The following KRT3 variants were observed in gnomAD, a reference collection of about 807,000 sequenced individuals.
The protein encoded by KRT3 is keratin 3.
In KRT3, 34 loss-of-function variants were observed where a neutral mutation model predicts 45.8. That is an observed-to-expected ratio of 0.74 (90% CI 0.57 to 0.99). KRT3 has a LOEUF of 0.99. KRT3 is among the 50% of genes least tolerant of loss of function. The pLI is 0.00. For synonymous variants in KRT3, 367 were observed against 329.0 expected, an observed-to-expected ratio of 1.12 and a Z score of -1.25; for missense variants, 828 against 820.6, an observed-to-expected ratio of 1.01 and a Z score of -0.11.
chr12:52,795,409 A>G lies in KRT3; in HGVS notation c.634T>C (p.Phe212Leu), dbSNP rs906826362. The G allele has an allele frequency of 3.7e-6, 6 of 1,614,078 alleles. No homozygotes were observed. Among genetic ancestry groups the G allele is most frequent in the Non-Finnish European group, 5.1e-6 (6 of 1,180,040 alleles). Residue 212 changes from phenylalanine (F) to leucine (L), a missense_variant, in exon 1 of 9, where the codon TTC becomes CTC. Coordinates refer to ENST00000417996, the MANE Select transcript of KRT3 (RefSeq NM_057088.3). ...IKTLNNKFAS[F>L]IDKVRFLEQQ... is the part of the protein sequence containing the mutation. ...CAAAGCTTCATTACCTTGTCAATGA[A>G]GGAGGCAAACTTGTTGTTGAGGGTC...
Position 52,790,104 on chromosome 12 carries a change from T to G in KRT3, c.1825A>C (p.Asn609His). ...GAGAACTTGATGCTGCCGCCCCGGTTGCTGGCCGAGCTGAAGCCCCCGCCA... is the reference window on the plus strand; with the variant it reads ...GAGAACTTGATGCTGCCGCCCCGGTGGCTGGCCGAGCTGAAGCCCCCGCCA... ...VSGGGFSSAS[N>H]RGGSIKFSQS... The change falls in exon 9 of 9, where the codon AAC becomes CAC. Residue 609 changes from asparagine to histidine, a missense_variant. Coordinates refer to ENST00000417996, the MANE Select transcript of KRT3 (RefSeq NM_057088.3). 6.5e-7 allele frequency: 1 copy of G among 1,543,352 alleles called. No individual in the cohort carries two copies. The highest frequency in any genetic ancestry group is 8.7e-7 in the Non-Finnish European group (1 of 1,146,870).
Position 52,795,925 on chromosome 12 carries a change from C to T in KRT3, c.118G>A (p.Gly40Arg), listed in dbSNP as rs199902669. Residue 40 changes from glycine to arginine, a missense_variant, in exon 1 of 9, where the codon GGA becomes AGA. Coordinates refer to ENST00000417996, the MANE Select transcript of KRT3 (RefSeq NM_057088.3). ...SCVAHSGGAG[G>R]GAYGFRSGAG... Reference sequence around the variant, plus strand: ...CCGCTCCGGAAGCCATAGGCCCCTCCGCCAGCTCCCCCAGAGTGGGCCACA... The same window carrying T: ...CCGCTCCGGAAGCCATAGGCCCCTCTGCCAGCTCCCCCAGAGTGGGCCACA... The T allele has an allele frequency of 2.1e-4, 344 of 1,614,122 alleles. No individual in the cohort carries two copies. The highest frequency in any genetic ancestry group is 2.8e-4 in the Non-Finnish European group (332 of 1,180,004).
intron 2 of KRT3, 86 bp from the exon 3 acceptor site, chr12:52,793,309 C>A (rs1366051461): frequency 9.1e-6 from 8 of 878,028 alleles, no homozygotes; most frequent in African/African-American, 5.0e-5. Flanking sequence ...AAGTTCATCT[C>A]TTCCCTCCCT....
At position 52,794,346 on chromosome 12, in the gene KRT3, G is replaced by A; in HGVS notation, c.646-15C>T. On this transcript the variant is annotated splice_polypyrimidine_tract_variant and intron_variant, in intron 1 of 8. Transcript: ENST00000417996. ...AGGAACCGCACCTGCAATGGTTGCA[G>A]GAAGCAACATCAGGCAACACTTGTA... is the stretch of plus-strand genomic sequence containing the variant. The A allele has an allele frequency of 3.7e-6, 6 of 1,601,950 alleles. No homozygotes were observed. The highest frequency in any genetic ancestry group is 5.1e-6 in the Non-Finnish European group (6 of 1,169,676).
intron 2 of KRT3, 32 bp from the exon 3 acceptor site, chr12:52,793,255 G>A (rs1196499184): frequency 6.6e-7 from 1 of 1,510,750 alleles, no homozygotes. Flanking sequence ...AGCTGAGTTT[G>A]GTTTTGAGGT....
intron 1 of KRT3, among the ~76,000 whole-genome samples, chr12:52,794,788 C>T (rs1489824032): frequency 6.6e-6 from 1 of 152,200 alleles, no homozygotes; most frequent in Non-Finnish European, 1.5e-5. Context: ...ATGACAACAC[C>T]TCTCTTGGGC....
At position 52,791,356 on chromosome 12, in the gene KRT3, G is replaced by T; in HGVS notation, c.1385C>A (p.Ala462Asp). 6.2e-7 allele frequency: 1 copy of T among 1,614,236 alleles called. No individual in the cohort carries two copies. Among genetic ancestry groups the T allele is most frequent in the Non-Finnish European group, 8.5e-7 (1 of 1,180,036 alleles). ...HGEMALKDANAKLQELQAALQ... is the reference protein window; with the variant it reads ...HGEMALKDANDKLQELQAALQ... ...AGCAGCCTGCAGCTCTTGGAGCTTG[G>T]CATTGGCATCCTTGAGGGCCATCTC... Residue 462 changes from alanine (A) to aspartate (D), a missense_variant, in exon 7 of 9, where the codon GCC (alanine) becomes GAC (aspartate). Physicochemically the swap from Ala to Asp is moderately radical, Grantham distance 126 (BLOSUM62 -2). Transcript: ENST00000417996.
intron 2 of KRT3, 107 bp from the exon 3 acceptor site, chr12:52,793,330 C>T: frequency 1.4e-6 from 1 of 736,134 alleles, no homozygotes; most frequent in East Asian, 2.8e-5. Context: ...CCATCCCTAT[C>T]CTGCCCCTCT....
At chr12:52,790,903 C>G (rs540718178) in intron 7 of KRT3, 31 bp from the exon 8 acceptor site, 2 of 1,577,740 alleles carry the variant, frequency 1.3e-6, no homozygotes, top group South Asian at 1.2e-5. Context: ...AAGTGGGCCC[C>G]GTCACAAAGC....
chr12:52,793,742 C>T lies in KRT3; in HGVS notation c.866+369G>A, dbSNP rs371267321. On this transcript the variant is annotated intron_variant, in intron 2 of 8. Transcript: ENST00000417996. ...GACTATCTTGGATTACAGGTGTGTGCCACCACACCCAGCTAATTTTTGTAT... is the reference window on the plus strand; with the variant it reads ...GACTATCTTGGATTACAGGTGTGTGTCACCACACCCAGCTAATTTTTGTAT... 4.3e-3 allele frequency among the ~76,000 whole-genome samples: 659 copies of T among 152,264 alleles called. 58 individuals are homozygous for T. The South Asian group carries it at 0.13, about 30-fold the overall frequency.
rs1939587582 is a variant in KRT3, at chr12:52,794,176, C to T, written c.801G>A (p.Gly267=). The part of the protein sequence containing the change: ...YLRSYLDNIL[G]ERGRLDSELK... ...GCTCAGAGTCCAGGCGCCCTCTCTC[C>T]CCGAGGATGTTGTCCAGGTAGCTCC... The change falls in exon 2 of 9, where the codon GGG becomes GGA. Residue 267 remains glycine, a synonymous_variant. Transcript: ENST00000417996. The T allele has an allele frequency of 3.1e-6, 5 of 1,614,188 alleles. No homozygotes were observed. In the East Asian group the frequency reaches 1.1e-4, roughly 36 times the overall value.
chr12:52,790,878 T>A lies in KRT3; in HGVS notation c.1536-6A>T, dbSNP rs375469926. 131 of 1,596,100 alleles carry A rather than the reference T, an allele frequency of 8.2e-5. No individual in the cohort carries two copies. Among genetic ancestry groups the A allele is most frequent in the African/African-American group, 7.8e-4 (58 of 74,672 alleles). ...TCGGACACTCTCCAGACATCCTGTTTGAGAAAGCAAGAGAAAGTGGGCCCC... is the reference window on the plus strand; with the variant it reads ...TCGGACACTCTCCAGACATCCTGTTAGAGAAAGCAAGAGAAAGTGGGCCCC... On this transcript the variant is annotated splice_region_variant and splice_polypyrimidine_tract_variant and intron_variant, in intron 7 of 8. Transcript: ENST00000417996.
intron 4 of KRT3, 142 bp from the exon 5 acceptor site, chr12:52,792,545 A>G (rs1939544638): frequency 2.0e-6 from 2 of 995,058 alleles, no homozygotes; most frequent in Non-Finnish European, 3.1e-6. Flanking sequence ...GCAGCCACTC[A>G]GAGAACCCCA....
chr12:52,791,846 C>A, intron 5 of KRT3, 30 bp from the exon 6 acceptor site: 2 of 1,603,590 alleles, frequency 1.2e-6, no homozygotes, highest in Non-Finnish European at 1.7e-6. Context: ...ATGGGGTATT[C>A]CTGCAGCTTT....
rs772557576 is a variant in KRT3, at chr12:52,792,374, A to C, written c.1053T>G (p.Ser351Arg). 7.4e-6 allele frequency: 12 copies of C among 1,613,994 alleles called. No homozygotes were observed. The East Asian group carries it at 2.4e-4, about 33-fold the overall frequency. ...CCATGGACAGCACCACAGATGTGTC[A>C]CTGATGTGGCTCTGCATCTGAGATA... is the stretch of plus-strand genomic sequence containing the variant. ...AELSQMQSHI[S>R]DTSVVLSMDN... The change falls in exon 5 of 9, where the codon AGT (serine) becomes AGG (arginine). Residue 351 changes from serine to arginine, a missense_variant. Coordinates refer to ENST00000417996, the MANE Select transcript of KRT3 (RefSeq NM_057088.3).
intron 5 of KRT3, 117 bp downstream of exon 5, chr12:52,792,122 G>A: frequency 2.2e-6 from 2 of 896,628 alleles, no homozygotes; most frequent in South Asian, 1.7e-5. Flanking sequence ...GACTTCAGAG[G>A]GTAAAACCAA....
Position 52,792,301 on chromosome 12 carries a change from C to T in KRT3, c.1126G>A (p.Ala376Thr). 2 of 1,614,096 alleles carry T rather than the reference C, an allele frequency of 1.2e-6. No homozygotes were observed. Among genetic ancestry groups the T allele is most frequent in the Non-Finnish European group, 1.7e-6 (2 of 1,179,960 alleles). Residue 376 changes from alanine to threonine, a missense_variant, in exon 5 of 9, where the codon GCA (alanine) becomes ACA (threonine). Coordinates refer to ENST00000417996, the MANE Select transcript of KRT3 (RefSeq NM_057088.3). ...DLDSIIAEVR[A>T]QYEDIAQRSK... ...CTCTGAGCGATATCCTCATACTGTG[C>T]ACGAACTTCAGCAATGATGCTGTCC...
In KRT3 at chr12:52,792,381, T is replaced by C. The variant is rs369586403; in HGVS notation, c.1046A>G (p.His349Arg). 2.3e-5 allele frequency: 37 copies of C among 1,614,020 alleles called. No homozygotes were observed. Among genetic ancestry groups the C allele is most frequent in the Non-Finnish European group, 3.1e-5 (36 of 1,180,044 alleles). Residue 349 changes from histidine (H) to arginine (R), a missense_variant, in exon 5 of 9, where the codon CAC (histidine) becomes CGC (arginine). Physicochemically the swap from His to Arg is conservative, Grantham distance 29. Coordinates refer to ENST00000417996, the MANE Select transcript of KRT3 (RefSeq NM_057088.3). ...CAGCACCACAGATGTGTCACTGATG[T>C]GGCTCTGCATCTGAGATAGCTCCTG... Reference protein sequence around the residue: ...YDAELSQMQSHISDTSVVLSM... With the variant: ...YDAELSQMQSRISDTSVVLSM...
chr12:52,795,807 C>G lies in KRT3; in HGVS notation c.236G>C (p.Gly79Ala). ...ACAGCTGCTCCGCCCTCCCCCAAAGCCTCCAGCCCGGGAGCCGCCAGCTGC... is the reference window on the plus strand; with the variant it reads ...ACAGCTGCTCCGCCCTCCCCCAAAGGCTCCAGCCCGGGAGCCGCCAGCTGC... The part of the protein sequence containing the change: ...SVAAGGSRAG[G>A]FGGGRSSCAF... Residue 79 changes from glycine (G) to alanine (A), a missense_variant, in exon 1 of 9, where the codon GGC becomes GCC. Physicochemically the swap from Gly to Ala is moderately conservative, Grantham distance 60. Transcript: ENST00000417996. 1 of 1,614,072 alleles carries G rather than the reference C, an allele frequency of 6.2e-7. No individual in the cohort carries two copies. Among genetic ancestry groups the G allele is most frequent in the Non-Finnish European group, 8.5e-7 (1 of 1,179,916 alleles).
Sources: gnomAD v4.1 joint callset for allele counts (sites outside exome capture counted in the v4.1 genomes callset) on GRCh38, gnomAD v4.1.1 for gene constraint, MANE v1.5 for transcripts, NCBI Gene and HGNC (gene_info 2026-07-23, HGNC 2026-07-21) for gene names.